The following PRTG variants were observed in gnomAD, a reference collection of about 807,000 sequenced individuals.
The protein encoded by PRTG is protogenin.
A neutral mutation model predicts 122.5 loss-of-function variants in PRTG; 67 were observed. The observed-to-expected ratio is 0.55, with a 90% confidence interval of 0.45 to 0.67. PRTG has a LOEUF of 0.67. Among genes scored for constraint, PRTG ranks in the 30% least tolerant of loss-of-function variants. The probability of loss-of-function intolerance (pLI) is 0.00; values close to 1 mark genes in which losing one functional copy is unlikely to be tolerated. For missense variants in PRTG, 1,435 were observed against 1,415.4 expected (o/e 1.01, Z -0.22); for synonymous variants, 554 against 501.1 (o/e 1.11, Z -1.41).
At chr15:55,693,763 T>C (rs948041587) in intron 2 of PRTG, among the ~76,000 whole-genome samples, 5 of 152,180 alleles carry the variant, frequency 3.3e-5, no homozygotes, top group African/African-American at 1.2e-4. Context: ...TATATACATA[T>C]ACATATGTGT....
intron 11 of PRTG, among the ~76,000 whole-genome samples, chr15:55,652,755 T>G (rs1011086411): frequency 7.9e-5 from 12 of 152,170 alleles, no homozygotes; most frequent in Admixed American, 2.6e-4. Context: ...AAATCACATT[T>G]GCACAATGCG....
At chr15:55,718,888 GCACA>G (rs2030705372) in intron 2 of PRTG, among the ~76,000 whole-genome samples, 1 of 151,718 alleles carries the variant, frequency 6.6e-6, no homozygotes, top group Non-Finnish European at 1.5e-5. Context: ...GACTACAGGT[GCACA>G]CCGTCATGCT....
chr15:55,722,535 C>T (rs994632741), intron 2 of PRTG, among the ~76,000 whole-genome samples: 20 of 152,082 alleles, frequency 1.3e-4, no homozygotes, highest in African/African-American at 4.8e-4. Flanking sequence ...CAGCCAAGGG[C>T]CCTGAAAAAT....
intron 16 of PRTG, among the ~76,000 whole-genome samples, chr15:55,628,062 T>G (rs1051772692): frequency 1.3e-5 from 2 of 152,192 alleles, no homozygotes; most frequent in Non-Finnish European, 2.9e-5. Flanking sequence ...ACCTCCTTCC[T>G]GTTCTTAAAA....
chr15:55,629,369 A>ATGTGTGTG (rs1413549067), intron 15 of PRTG, among the ~76,000 whole-genome samples: 10 of 34,356 alleles, frequency 2.9e-4, no homozygotes, highest in African/African-American at 1.0e-3. Context: ...GTATATATAT[A>ATGTGTGTG]TATATATGTG....
intron 11 of PRTG, among the ~76,000 whole-genome samples, chr15:55,644,864 GGAGT>G (rs372905235): frequency 3.6e-4 from 55 of 152,126 alleles, no homozygotes; most frequent in African/African-American, 1.2e-3. Flanking sequence ...AAAAAATAAA[GGAGT>G]GAGAAACCCC....
rs532447589 is a variant in PRTG at position 55,671,158 on chromosome 15, T to C, written c.2041+1287A>G. Among the ~76,000 whole-genome samples the C allele has an allele frequency of 2.7e-4, 41 of 152,330 alleles. 1 individual carries two copies. In the South Asian group the frequency reaches 6.8e-3, roughly 25 times the overall value. ...ACAGTCTCCCACCACTGCTTCTTAC[T>C]GTGCAGAGACTCAAATCTAATGCTG... On this transcript the variant is annotated intron_variant, in intron 11 of 19. Transcript: ENST00000389286.
chr15:55,716,836 T>C (rs2030618021), intron 2 of PRTG, among the ~76,000 whole-genome samples: 1 of 152,194 alleles, frequency 6.6e-6, no homozygotes, highest in South Asian at 2.1e-4. Flanking sequence ...CACACATACA[T>C]GTGTATGTAC....
intron 2 of PRTG, 135 bp downstream of exon 2, chr15:55,740,247 C>T: frequency 1.3e-6 from 1 of 749,540 alleles, no homozygotes; most frequent in South Asian, 2.2e-5. Context: ...CTATATGCCT[C>T]AGTTAGCATC....
At chr15:55,634,328 A>G (rs2059244559) in intron 15 of PRTG, among the ~76,000 whole-genome samples, 1 of 151,870 alleles carries the variant, frequency 6.6e-6, no homozygotes, top group Admixed American at 6.6e-5. Context: ...CTCAGCCTCC[A>G]AACTGCTGGG....
intron 2 of PRTG, among the ~76,000 whole-genome samples, chr15:55,695,796 C>A (rs556920959): frequency 1.3e-5 from 2 of 152,180 alleles, no homozygotes; most frequent in Non-Finnish European, 2.9e-5. Flanking sequence ...CACAGTGAAA[C>A]CTTTTTCTAC....
At chr15:55,658,923 C>T (rs528716291) in intron 11 of PRTG, among the ~76,000 whole-genome samples, 2 of 152,262 alleles carry the variant, frequency 1.3e-5, no homozygotes, top group African/African-American at 4.8e-5. Context: ...GATGTATTTA[C>T]ACAACCTACC....
At chr15:55,700,446 C>A (rs2059655658) in intron 2 of PRTG, among the ~76,000 whole-genome samples, 2 of 152,028 alleles carry the variant, frequency 1.3e-5, no homozygotes, top group African/African-American at 2.4e-5. Flanking sequence ...AAGCACAATC[C>A]ATAAAAGATT....
chr15:55,656,858 A>G (rs2059382991), intron 11 of PRTG, among the ~76,000 whole-genome samples: 1 of 152,212 alleles, frequency 6.6e-6, no homozygotes, highest in Admixed American at 6.5e-5. Flanking sequence ...ATCAAGTTAT[A>G]TCCATCTATC....
chr15:55,700,692 G>C (rs997100296), intron 2 of PRTG, among the ~76,000 whole-genome samples: 1 of 152,100 alleles, frequency 6.6e-6, no homozygotes, highest in Non-Finnish European at 1.5e-5. Context: ...GGAGTAGGAG[G>C]ATCACTGGAG....
chr15:55,732,655 C>T (rs1479708159), intron 2 of PRTG, among the ~76,000 whole-genome samples: 7 of 151,776 alleles, frequency 4.6e-5, no homozygotes, highest in African/African-American at 1.2e-4. Flanking sequence ...CCACCACACC[C>T]GGCTAGTTTT....
intron 2 of PRTG, among the ~76,000 whole-genome samples, chr15:55,688,896 T>G (rs1487363960): frequency 6.6e-6 from 1 of 152,170 alleles, no homozygotes; most frequent in Non-Finnish European, 1.5e-5. Context: ...GAAGTGATCT[T>G]CTTTCTTCCA....
intron 2 of PRTG, among the ~76,000 whole-genome samples, chr15:55,708,027 T>C (rs1048881584): frequency 6.6e-5 from 10 of 152,116 alleles, no homozygotes; most frequent in African/African-American, 2.4e-4. Flanking sequence ...GGCAATGTTT[T>C]TCAACCGTCT....
rs1204632856 is a variant in PRTG at position 55,734,280 on chromosome 15, G to C, written c.397+6102C>G. On this transcript the variant is annotated intron_variant, in intron 2 of 19. Transcript: ENST00000389286. ...CACTGAGTCAATCACATTCTGAGTA[G>C]TTTTAAAAGACTACAAAACTTTAAA... Among the ~76,000 whole-genome samples, 3 of 152,050 alleles carry C rather than the reference G, an allele frequency of 2.0e-5. No homozygotes were observed. The East Asian group carries it at 5.8e-4, about 29-fold the overall frequency.
Sources: gnomAD v4.1 joint callset for allele counts (sites outside exome capture counted in the v4.1 genomes callset) on GRCh38, gnomAD v4.1.1 for gene constraint, MANE v1.5 for transcripts, NCBI Gene and HGNC (gene_info 2026-07-23, HGNC 2026-07-21) for gene names.